MMP16: variants seen among roughly 807,000 people sequenced by gnomAD.
MMP16 encodes the protein matrix metallopeptidase 16.
A neutral mutation model predicts 67.8 loss-of-function variants in MMP16; 12 were observed. The ratio of observed to expected loss-of-function variants is 0.18; its 90% CI spans 0.11 to 0.29. The LOEUF is 0.29. Ranked by LOEUF, MMP16 falls within the 10% of genes least tolerant of loss-of-function variation. MMP16 has a pLI of 1.00. For synonymous variants in MMP16, 249 were observed against 255.9 expected (o/e 0.97, Z 0.26); for missense variants, 475 against 765.7 (o/e 0.62, Z 4.48).
intron 4 of MMP16, among the ~76,000 whole-genome samples, chr8:88,135,484 C>G (rs2118487025): frequency 6.6e-6 from 1 of 151,854 alleles, no homozygotes; most frequent in South Asian, 2.1e-4. Context: ...ATGAACAGTT[C>G]TATTATGATT....
intron 1 of MMP16, 44 bp downstream of exon 1, chr8:88,327,031 C>T: frequency 6.2e-7 from 1 of 1,610,232 alleles, no homozygotes; most frequent in Non-Finnish European, 8.5e-7. Flanking sequence ...TTTCAGGGAG[C>T]AGCCCAGGCA....
At chr8:88,270,450 A>G (rs1309517081) in intron 1 of MMP16, among the ~76,000 whole-genome samples, 1 of 152,222 alleles carries the variant, frequency 6.6e-6, no homozygotes, top group Non-Finnish European at 1.5e-5. Context: ...ACATATAATT[A>G]GAAGCAAAAT....
At chr8:88,268,728 T>C (rs1401458152) in intron 1 of MMP16, among the ~76,000 whole-genome samples, 1 of 152,204 alleles carries the variant, frequency 6.6e-6, no homozygotes, top group Non-Finnish European at 1.5e-5. Flanking sequence ...CTCCCAACCA[T>C]ATGACAGACA....
intron 7 of MMP16, among the ~76,000 whole-genome samples, chr8:88,066,339 G>C (rs1808462719): frequency 6.6e-6 from 1 of 151,992 alleles, no homozygotes. Flanking sequence ...ATATACCTGA[G>C]TGATGGAAAG....
chr8:88,287,256 T>C (rs1462229113), intron 1 of MMP16, among the ~76,000 whole-genome samples: 3 of 152,206 alleles, frequency 2.0e-5, no homozygotes, highest in East Asian at 1.9e-4. Flanking sequence ...CCTGACCTTT[T>C]TCCAGCCCTT....
intron 1 of MMP16, among the ~76,000 whole-genome samples, chr8:88,234,761 T>C (rs909182052): frequency 1.3e-5 from 2 of 152,248 alleles, no homozygotes; most frequent in Non-Finnish European, 2.9e-5. Flanking sequence ...TACAGACTGA[T>C]GGAAGAAAGA....
chr8:88,111,250 T>C (rs1809331351), intron 6 of MMP16, among the ~76,000 whole-genome samples: 1 of 151,692 alleles, frequency 6.6e-6, no homozygotes, highest in Non-Finnish European at 1.5e-5. Flanking sequence ...TGCCAAAATA[T>C]ATATAATCCA....
At chr8:88,195,124 G>A (rs897691816) in intron 2 of MMP16, among the ~76,000 whole-genome samples, 1 of 152,072 alleles carries the variant, frequency 6.6e-6, no homozygotes, top group Middle Eastern at 3.4e-3. Flanking sequence ...CTTTCCATAT[G>A]AAGGGCCCAA....
At chr8:88,146,253 A>T (rs1372530086) in intron 4 of MMP16, among the ~76,000 whole-genome samples, 1 of 152,022 alleles carries the variant, frequency 6.6e-6, no homozygotes, top group African/African-American at 2.4e-5. Context: ...AATTAGATAC[A>T]TACAGCAAAA....
At chr8:88,326,042 A>G (rs1342792498) in intron 1 of MMP16, among the ~76,000 whole-genome samples, 3 of 152,250 alleles carry the variant, frequency 2.0e-5, no homozygotes, top group South Asian at 2.1e-4. Flanking sequence ...TATCAACAAT[A>G]TAAGAAAAAA....
intron 4 of MMP16, among the ~76,000 whole-genome samples, chr8:88,165,520 C>T (rs1206813100): frequency 2.6e-5 from 4 of 151,896 alleles, no homozygotes; most frequent in African/African-American, 7.2e-5. Context: ...ATTATAAGTG[C>T]TATTCTTAAT....
intron 3 of MMP16, among the ~76,000 whole-genome samples, chr8:88,175,050 G>T (rs12056891): frequency 1.3e-5 from 2 of 151,996 alleles, no homozygotes; most frequent in African/African-American, 4.8e-5. Flanking sequence ...CACTGTGCCT[G>T]GCCTTGACTG....
chr8:88,185,757 G>C (rs1044120781), intron 3 of MMP16, among the ~76,000 whole-genome samples: 3 of 152,086 alleles, frequency 2.0e-5, no homozygotes, highest in Admixed American at 6.6e-5. Context: ...TCTAGAATGG[G>C]TTGGATGACC....
In MMP16 at chr8:88,241,748, T is replaced by C. The variant is rs914204547; in HGVS notation, c.133-44442A>G. Among the ~76,000 whole-genome samples the C allele has an allele frequency of 2.0e-5, 3 of 152,072 alleles. No individual in the cohort carries two copies. In the East Asian group the frequency reaches 5.8e-4, roughly 29 times the overall value. On this transcript the variant is annotated intron_variant, in intron 1 of 9. Coordinates refer to ENST00000286614, the MANE Select transcript of MMP16 (RefSeq NM_005941.5). ...GACAAATAATAATTGTATATATTTA[T>C]GAAGTACAGTGTGATATTCTGATAC...
At position 88,301,257 on chromosome 8, in the gene MMP16, C is replaced by T. The variant is rs757414097; in HGVS notation, c.132+25818G>A. Among the ~76,000 whole-genome samples the T allele has an allele frequency of 2.0e-4, 31 of 152,216 alleles. 1 individual carries two copies. Among genetic ancestry groups the T allele is most frequent in the Middle Eastern group, 3.4e-3 (1 of 294 alleles). ...AGAAAGTCCTTTCTCAGCCTTCTCT[C>T]GTTCCCTCAATATACCTCCTCCTCA... On this transcript the variant is annotated intron_variant, in intron 1 of 9. Transcript: ENST00000286614.
At chr8:88,178,842 CTTTGAATTAAA>C (rs780577132) in intron 3 of MMP16, among the ~76,000 whole-genome samples, 142 of 151,898 alleles carry the variant, frequency 9.3e-4, no homozygotes, top group Non-Finnish European at 1.8e-3. Context: ...GGATATTTCA[CTTTGAATTAAA>C]GAGAGAGCTG....
rs1384128279 is a variant in MMP16 at position 88,037,838 on chromosome 8, A to G, written c.*3623T>C. 2.0e-5 allele frequency: 3 copies of G among 152,008 alleles called. No homozygotes were observed. The highest frequency in any genetic ancestry group is 2.9e-5 in the Non-Finnish European group (2 of 67,896). The allele number at this position is 152,008 out of a possible 1,614,324, so 9.4% of individuals were successfully genotyped here. A position where few individuals can be genotyped will look rare whatever the true frequency, so the allele number is the denominator to read the frequency against. ...CATTACCTTGTTTACATTTGTGTTT[A>G]TATTAGATAAAGTAATGAGAAATGA... On this transcript the variant is annotated 3_prime_UTR_variant, in exon 10 of 10. Coordinates refer to ENST00000286614, the MANE Select transcript of MMP16 (RefSeq NM_005941.5).
chr8:88,268,619 C>A (rs1176848003), intron 1 of MMP16, among the ~76,000 whole-genome samples: 3 of 152,086 alleles, frequency 2.0e-5, no homozygotes, highest in Admixed American at 2.0e-4. Context: ...GGTCAACTTT[C>A]TTTTTTCCTT....
intron 1 of MMP16, among the ~76,000 whole-genome samples, chr8:88,205,247 CCTGA>C (rs1554585284): frequency 1.3e-5 from 2 of 152,090 alleles, no homozygotes; most frequent in Non-Finnish European, 2.9e-5. Context: ...CAAATAGAGA[CCTGA>C]CTGACACCAA....
Sources: gnomAD v4.1 joint callset for allele counts (sites outside exome capture counted in the v4.1 genomes callset) on GRCh38, gnomAD v4.1.1 for gene constraint, MANE v1.5 for transcripts, NCBI Gene and HGNC (gene_info 2026-07-23, HGNC 2026-07-21) for gene names.